The following ARHGEF18 variants were observed in gnomAD, a reference collection of about 807,000 sequenced individuals.
ARHGEF18 encodes the protein rho guanine nucleotide exchange factor 18.
Under a neutral mutation model 155.7 loss-of-function variants are expected in ARHGEF18, and 93 were observed. The ratio of observed to expected loss-of-function variants is 0.60; its 90% CI spans 0.50 to 0.71. ARHGEF18 has a LOEUF of 0.71. Ranked by LOEUF, ARHGEF18 falls within the 30% of genes least tolerant of loss-of-function variation. The pLI is 0.00. For synonymous variants in ARHGEF18, 742 were observed against 753.1 expected (o/e 0.99, Z 0.24); for missense variants, 1,593 against 1,816.1 (o/e 0.88, Z 2.23).
chr19:7,473,878 G>A (rs890623403), downstream of ARHGEF18, among the ~76,000 whole-genome samples: 3 of 151,254 alleles, frequency 2.0e-5, no homozygotes, highest in Admixed American at 6.6e-5. Context: ...AGCTACACAG[G>A]AGGCCAAGGC....
At chr19:7,409,760 C>G (rs1028810538) in intron 10 of ARHGEF18, among the ~76,000 whole-genome samples, 2 of 63,392 alleles carry the variant, frequency 3.2e-5, no homozygotes, top group Non-Finnish European at 7.1e-5. Flanking sequence ...GTTTTTCTTT[C>G]TTTCTTTCTT....
Position 7,444,169 on chromosome 19 carries a change from A to T in ARHGEF18, c.1361-35A>T. 1 of 1,603,176 alleles carries T rather than the reference A, an allele frequency of 6.2e-7. No individual in the cohort carries two copies. The highest frequency in any genetic ancestry group is 8.5e-7 in the Non-Finnish European group (1 of 1,172,708). ...GACTGCCCAGCGGGGCCGTGGAGCCAGCATGGCTAAGTCCTGCCGTCTGTG... is the reference window on the plus strand; with the variant it reads ...GACTGCCCAGCGGGGCCGTGGAGCCTGCATGGCTAAGTCCTGCCGTCTGTG... On this transcript the variant is annotated intron_variant, in intron 13 of 28. Coordinates refer to ENST00000668164, the MANE Select transcript of ARHGEF18 (RefSeq NM_001367823.1). The surrounding 1 kb of genome is among the most constrained non-coding windows in gnomAD (Gnocchi z 4.7).
At chr19:7,434,464 G>A (rs548062002) in intron 10 of ARHGEF18, among the ~76,000 whole-genome samples, 27 of 152,276 alleles carry the variant, frequency 1.8e-4, no homozygotes, top group African/African-American at 6.3e-4. Flanking sequence ...AGGTCCCCTT[G>A]CAGAAAGAGC....
In ARHGEF18 at chr19:7,440,802, C is replaced by G. The variant is rs1043321471; in HGVS notation, c.1106+320C>G. Among the ~76,000 whole-genome samples, 1 of 152,072 alleles carries G rather than the reference C, an allele frequency of 6.6e-6. No individual in the cohort carries two copies. The highest frequency in any genetic ancestry group is 1.5e-5 in the Non-Finnish European group (1 of 68,012). Reference sequence around the variant, plus strand: ...CAAAGTCCTGCTGGGTGTGTGGAGGCGGCGTCCCATTATCTGTGCCTTACC... The same window carrying G: ...CAAAGTCCTGCTGGGTGTGTGGAGGGGGCGTCCCATTATCTGTGCCTTACC... On this transcript the variant is annotated intron_variant, in intron 11 of 28. Transcript: ENST00000668164. This position sits in a 1 kb window ranked among gnomAD's most constrained non-coding sequence, Gnocchi z 5.4.
rs773003627 is a variant in ARHGEF18, at chr19:7,467,659, C to T, written c.3455C>T (p.Ala1152Val). Residue 1152 changes from alanine (A) to valine (V), a missense_variant, in exon 26 of 29, where the codon GCG (alanine) becomes GTG (valine). Physicochemically the swap from Ala to Val is moderately conservative, Grantham distance 64 (BLOSUM62 0). Coordinates refer to ENST00000668164, the MANE Select transcript of ARHGEF18 (RefSeq NM_001367823.1). The part of the protein sequence containing the change: ...RLKKQNTAPG[A>V]LPPDTLAEAQ... ...AAGAAGCAGAACACCGCGCCAGGCG[C>T]GCTGCCGCCCGACACACTGGCCGAG... 234 of 1,512,522 alleles carry T rather than the reference C, an allele frequency of 1.5e-4. No homozygotes were observed. The highest frequency in any genetic ancestry group is 4.6e-4 in the Middle Eastern group (2 of 4,324). The allele number at this position is 1,512,522 out of a possible 1,614,324, so 93.7% of individuals were successfully genotyped here.
chr19:7,363,050 C>A (rs1252906056), intron 2 of ARHGEF18, 145 bp downstream of exon 2: 2 of 1,013,116 alleles, frequency 2.0e-6, no homozygotes, highest in Middle Eastern at 2.4e-4. Flanking sequence ...CATTTATTAT[C>A]CTGTTTTACC....
chr19:7,354,566 G>T (rs1969236867), intron 1 of ARHGEF18, among the ~76,000 whole-genome samples: 1 of 152,076 alleles, frequency 6.6e-6, no homozygotes, highest in African/African-American at 2.4e-5. Flanking sequence ...CACCTGCACG[G>T]ATGAGCACTC....
intron 17 of ARHGEF18, among the ~76,000 whole-genome samples, 180 bp downstream of exon 17, chr19:7,453,895 T>C (rs1204019639): frequency 1.3e-5 from 2 of 151,920 alleles, no homozygotes; most frequent in African/African-American, 4.8e-5. Context: ...CACTATCCTG[T>C]ATCAGTGGGT....
rs979349664 is a variant in ARHGEF18, at chr19:7,463,970, G to A, written c.2773+15G>A. 6 of 1,565,062 alleles carry A rather than the reference G, an allele frequency of 3.8e-6. No homozygotes were observed. Among genetic ancestry groups the A allele is most frequent in the South Asian group, 3.5e-5 (3 of 85,838 alleles). ...CCCCACCAAGAGTAAGAGCGGGGCC[G>A]TCTCCCCTCCTGCCTCCAGGGCCGC... On this transcript the variant is annotated intron_variant, in intron 22 of 28. Coordinates refer to ENST00000668164, the MANE Select transcript of ARHGEF18 (RefSeq NM_001367823.1). This position sits in a 1 kb window ranked among gnomAD's most constrained non-coding sequence, Gnocchi z 5.2.
chr19:7,479,716 C>T, the ARHGEF18 span, among the ~76,000 whole-genome samples: 1 of 151,362 alleles, frequency 6.6e-6, no homozygotes, highest in African/African-American at 2.4e-5. Flanking sequence ...CTTCGATGGC[C>T]GTGAAACAAT....
In ARHGEF18 at chr19:7,466,969, T is replaced by C. The variant is rs1976662388; in HGVS notation, c.2956T>C (p.Ser986Pro). 2 of 1,612,648 alleles carry C rather than the reference T, an allele frequency of 1.2e-6. No individual in the cohort carries two copies. The highest frequency in any genetic ancestry group is 8.5e-7 in the Non-Finnish European group (1 of 1,179,834). ...SDPRLPTVLE[S>P]ELVQRIQTLS... is the part of the protein sequence containing the mutation. ...TCCCCGTCTGCCCACCGTCCTGGAG[T>C]CGGAGGTAGGCGCCCGCGGGTCTCC... Residue 986 changes from serine (S) to proline (P), a missense_variant, in exon 24 of 29, where the codon TCG becomes CCG. Coordinates refer to ENST00000668164, the MANE Select transcript of ARHGEF18 (RefSeq NM_001367823.1).
At chr19:7,389,788 C>T (rs891850623) in intron 10 of ARHGEF18, among the ~76,000 whole-genome samples, 4 of 152,040 alleles carry the variant, frequency 2.6e-5, no homozygotes, top group East Asian at 1.9e-4. Context: ...GCCCACGAGT[C>T]GTGACATCCA....
intron 7 of ARHGEF18, among the ~76,000 whole-genome samples, chr19:7,380,276 A>T (rs762520162): frequency 7.9e-5 from 12 of 151,988 alleles, no homozygotes; most frequent in Non-Finnish European, 1.5e-4. Context: ...CAGGAGATCG[A>T]GACCATCCTG....
At chr19:7,409,205 G>A (rs973323802) in intron 10 of ARHGEF18, among the ~76,000 whole-genome samples, 8 of 150,202 alleles carry the variant, frequency 5.3e-5, no homozygotes, top group African/African-American at 1.7e-4. Context: ...GACTACAGGC[G>A]CCCACCACCT....
rs1976642138 is a variant in ARHGEF18 at position 7,466,823 on chromosome 19, A to AGT, written c.2905-95_2905-94insGT. The AGT allele has an allele frequency of 7.8e-6, 9 of 1,152,404 alleles. No individual in the cohort carries two copies. The African/African-American group carries it at 1.0e-4, about 13-fold the overall frequency. 71.4% of individuals were successfully genotyped at this position (1,152,404 alleles called of 1,614,324 possible). A position where few individuals can be genotyped will look rare whatever the true frequency, so the allele number is the denominator to read the frequency against. On this transcript the variant is annotated intron_variant, in intron 23 of 28. Transcript: ENST00000668164. ...CCGTCTCAAAAAAAAAAAAAAAAAA[A>AGT]AAAGTTAAAAAAAAAGAAGAAGAAG...
At chr19:7,382,291 G>T (rs1283521230) in intron 8 of ARHGEF18, among the ~76,000 whole-genome samples, 1 of 152,128 alleles carries the variant, frequency 6.6e-6, no homozygotes, top group Non-Finnish European at 1.5e-5. Context: ...AGCTACTCGG[G>T]AGGCTGAGGC....
intron 2 of ARHGEF18, among the ~76,000 whole-genome samples, chr19:7,363,357 G>A (rs1310246501): frequency 2.0e-5 from 3 of 151,900 alleles, no homozygotes; most frequent in African/African-American, 7.2e-5. Context: ...TGAATAAAAA[G>A]AAGAAAGCTA....
intron 10 of ARHGEF18, among the ~76,000 whole-genome samples, chr19:7,434,371 T>C (rs950975994): frequency 1.3e-5 from 2 of 152,154 alleles, no homozygotes; most frequent in African/African-American, 4.8e-5. Context: ...TCTGTGTTTG[T>C]TGCTGAGAAT....
At chr19:7,432,149 C>G (rs1210235813) in intron 10 of ARHGEF18, among the ~76,000 whole-genome samples, 3 of 152,112 alleles carry the variant, frequency 2.0e-5, no homozygotes, top group Non-Finnish European at 2.9e-5. Context: ...CAAAATGAGG[C>G]AAGAAAGAGA....
Sources: gnomAD v4.1 joint callset for allele counts (sites outside exome capture counted in the v4.1 genomes callset) on GRCh38, gnomAD v4.1.1 for gene constraint, Gnocchi (gnomAD v3.1) non-coding constraint, MANE v1.5 for transcripts, NCBI Gene and HGNC (gene_info 2026-07-23, HGNC 2026-07-21) for gene names.